The following CFAP299 variants were observed in gnomAD, a reference collection of about 807,000 sequenced individuals.
CFAP299 encodes cilia and flagella associated protein 299, also known as cilia- and flagella-associated protein 299.
CFAP299 carries 21 observed loss-of-function variants against 27.0 expected under a neutral mutation model. The observed-to-expected ratio is 0.78, with a 90% CI of 0.55 to 1.12. CFAP299 has a LOEUF of 1.12. CFAP299 is among the 50% of genes most tolerant of loss of function. The pLI is 0.00. For synonymous variants in CFAP299, 104 were observed against 98.1 expected, an observed-to-expected ratio of 1.06 and a Z score of -0.36; for missense variants, 310 against 276.6, an observed-to-expected ratio of 1.12 and a Z score of -0.86.
At chr4:80,413,796 TTCTC>T (rs1190465058) in intron 2 of CFAP299, among the ~76,000 whole-genome samples, 1 of 146,402 alleles carries the variant, frequency 6.8e-6, no homozygotes, top group Non-Finnish European at 1.5e-5. Flanking sequence ...GCTTCTCTAT[TTCTC>T]TCTGTTTATG....
chr4:80,775,300 C>G (rs890116569), intron 3 of CFAP299, among the ~76,000 whole-genome samples: 1 of 151,908 alleles, frequency 6.6e-6, no homozygotes, highest in African/African-American at 2.4e-5. Context: ...CGCAATATCT[C>G]AGCATGGTGG....
intron 1 of CFAP299, among the ~76,000 whole-genome samples, chr4:80,342,549 A>G (rs999387147): frequency 6.6e-6 from 1 of 152,218 alleles, no homozygotes. Flanking sequence ...CCAATCTAGA[A>G]TTTCATTTCC....
intron 4 of CFAP299, among the ~76,000 whole-genome samples, chr4:80,908,539 C>T (rs1735299787): frequency 6.6e-6 from 1 of 152,142 alleles, no homozygotes; most frequent in African/African-American, 2.4e-5. Context: ...GAATTTTACT[C>T]TTACATACTC....
chr4:80,855,983 C>A (rs1387090906), intron 3 of CFAP299, among the ~76,000 whole-genome samples: 8 of 151,848 alleles, frequency 5.3e-5, no homozygotes, highest in Admixed American at 3.3e-4. Context: ...AATTGCCACA[C>A]TGACTTCCAC....
chr4:80,370,451 C>A (rs772536830), intron 2 of CFAP299, among the ~76,000 whole-genome samples: 1 of 152,298 alleles, frequency 6.6e-6, no homozygotes, highest in Middle Eastern at 3.4e-3. Context: ...ACCCAAAAGT[C>A]CACAGTCCAA....
chr4:80,344,798 C>A, intron 1 of CFAP299, among the ~76,000 whole-genome samples: 1 of 152,256 alleles, frequency 6.6e-6, no homozygotes, highest in South Asian at 2.1e-4. Context: ...CCATCACAGT[C>A]AAGTTGGCTT....
intron 3 of CFAP299, among the ~76,000 whole-genome samples, chr4:80,740,568 A>G (rs930110839): frequency 3.9e-5 from 6 of 152,174 alleles, no homozygotes; most frequent in Non-Finnish European, 7.3e-5. Flanking sequence ...TGGGTCAGAC[A>G]TGAAGTCAGA....
At chr4:80,871,193 C>G (rs1300653828) in intron 4 of CFAP299, 3 of 985,224 alleles carry the variant, frequency 3.0e-6, no homozygotes, top group Non-Finnish European at 3.6e-6. Flanking sequence ...AGGCGTCAGC[C>G]ACCGAGCCTG....
At chr4:80,866,059 T>TTATGTATATA (rs1553901533) in intron 3 of CFAP299, among the ~76,000 whole-genome samples, 1 of 58,374 alleles carries the variant, frequency 1.7e-5, no homozygotes, top group Non-Finnish European at 4.5e-5. Flanking sequence ...ACTTAAAGTA[T>TTATGTATATA]TATATATATA....
At chr4:80,385,765 A>G (rs913133791) in intron 2 of CFAP299, among the ~76,000 whole-genome samples, 1 of 152,212 alleles carries the variant, frequency 6.6e-6, no homozygotes, top group Non-Finnish European at 1.5e-5. Context: ...GATAAACTCC[A>G]AAGAGTTTAT....
chr4:80,744,425 G>A (rs562919779), intron 3 of CFAP299, among the ~76,000 whole-genome samples: 1 of 144,130 alleles, frequency 6.9e-6, no homozygotes, highest in African/African-American at 2.5e-5. Context: ...GGAGGGAGGG[G>A]AATTATGGAA....
At chr4:80,642,430 A>C (rs1019389254) in intron 3 of CFAP299, among the ~76,000 whole-genome samples, 1 of 152,174 alleles carries the variant, frequency 6.6e-6, no homozygotes, top group Non-Finnish European at 1.5e-5. Context: ...TGGGATCCAC[A>C]GTGCTAGAAT....
At chr4:80,586,625 C>A (rs7688377) in intron 3 of CFAP299, among the ~76,000 whole-genome samples, 11,858 of 152,072 alleles carry the variant, frequency 0.078, 699 homozygotes, top group East Asian at 0.26. Flanking sequence ...CCCTATAGTG[C>A]TTCTAATATA....
intron 3 of CFAP299, among the ~76,000 whole-genome samples, chr4:80,756,568 AC>A (rs1212590345): frequency 4.6e-5 from 7 of 152,284 alleles, no homozygotes; most frequent in African/African-American, 9.6e-5. Context: ...TTAAAAAAAA[AC>A]AAAAACAAAA....
chr4:80,419,217 A>G (rs1727166768), intron 2 of CFAP299, among the ~76,000 whole-genome samples: 1 of 152,196 alleles, frequency 6.6e-6, no homozygotes, highest in African/African-American at 2.4e-5. Context: ...GGGCAACTTA[A>G]GAGTTTAAGT....
intron 3 of CFAP299, among the ~76,000 whole-genome samples, chr4:80,754,555 C>CT (rs5859735): frequency 0.038 from 5,664 of 147,442 alleles, 159 homozygotes; most frequent in East Asian, 0.1. Flanking sequence ...ATGGATCTGG[C>CT]TTTTTTTTTT....
intron 3 of CFAP299, among the ~76,000 whole-genome samples, chr4:80,640,816 G>A (rs1228468631): frequency 6.6e-6 from 1 of 151,904 alleles, no homozygotes; most frequent in Non-Finnish European, 1.5e-5. Context: ...CGTTCCCCTG[G>A]GTATAGAAAG....
intron 3 of CFAP299, among the ~76,000 whole-genome samples, chr4:80,599,151 T>A (rs1737204770): frequency 6.6e-6 from 1 of 152,220 alleles, no homozygotes; most frequent in African/African-American, 2.4e-5. Flanking sequence ...TTTTATGCAG[T>A]GCACTGTTCT....
chr4:80,448,627 A>G (rs1447621888), intron 2 of CFAP299, among the ~76,000 whole-genome samples: 1 of 152,104 alleles, frequency 6.6e-6, no homozygotes, highest in Non-Finnish European at 1.5e-5. Context: ...CTCTCTGAAA[A>G]TTGGTACAAT....
Sources: gnomAD v4.1 joint callset for allele counts (sites outside exome capture counted in the v4.1 genomes callset) on GRCh38, gnomAD v4.1.1 for gene constraint, MANE v1.5 for transcripts, NCBI Gene and HGNC (gene_info 2026-07-23, HGNC 2026-07-21) for gene names.